The following GALNT1 variants were observed in gnomAD, a reference collection of about 807,000 sequenced individuals.
GALNT1 encodes the protein GalNAc transferase 1.
A neutral mutation model predicts 65.7 loss-of-function variants in GALNT1; 17 were observed. That is an observed-to-expected ratio of 0.26 (90% CI 0.18 to 0.39). The LOEUF is 0.39. Among genes scored for constraint, GALNT1 ranks in the 10% least tolerant of loss-of-function variants. The pLI, the probability that GALNT1 is intolerant of heterozygous loss-of-function variation, is 1.00. For synonymous variants in GALNT1, 210 were observed against 219.7 expected (o/e 0.96, Z 0.39); for missense variants, 460 against 672.8 (o/e 0.68, Z 3.50).
At position 35,663,788 on chromosome 18, in the gene GALNT1, T is replaced by A; in HGVS notation, c.300T>A (p.Asp100Glu). 6.2e-7 allele frequency: 1 copy of A among 1,613,524 alleles called. No individual in the cohort carries two copies. Among genetic ancestry groups the A allele is most frequent in the Non-Finnish European group, 8.5e-7 (1 of 1,179,790 alleles). Residue 100 changes from aspartate (D) to glutamate (E), a missense_variant, in exon 3 of 12, where the codon GAT becomes GAA. By Grantham distance (45) the Asp-to-Glu change is conservative. Coordinates refer to ENST00000269195, the MANE Select transcript of GALNT1 (RefSeq NM_020474.4). ...EMIALNRSLP[D>E]VRLEGCKTKV... ...TTGCACTCAACAGATCTTTACCAGA[T>A]GTTAGGTTAGAAGGGTAAGTACTTA...
chr18:35,605,317 G>A lies in GALNT1; in HGVS notation c.-104+23455G>A, dbSNP rs538942168. ...ATTCAAGACCAGCCTGGCCAACATG[G>A]TGAAACCCCGTCTCTACTAAAAATA... is the stretch of plus-strand genomic sequence containing the variant. On this transcript the variant is annotated intron_variant, in intron 1 of 11. Transcript: ENST00000269195. 2.0e-5 allele frequency among the ~76,000 whole-genome samples: 3 copies of A among 152,160 alleles called. No individual in the cohort carries two copies. In the South Asian group the frequency reaches 6.2e-4, roughly 32 times the overall value.
intron 1 of GALNT1, among the ~76,000 whole-genome samples, chr18:35,587,865 A>C (rs998941638): frequency 2.0e-5 from 3 of 151,954 alleles, no homozygotes; most frequent in African/African-American, 7.3e-5. Context: ...ATTCAATTCA[A>C]TGTCTGTTTT....
In GALNT1 at chr18:35,709,856, A is replaced by G; in HGVS notation, c.*86A>G. 1 of 1,483,122 alleles carries G rather than the reference A, an allele frequency of 6.7e-7. No homozygotes were observed. The allele number at this position is 1,483,122 out of a possible 1,614,324, so 91.9% of individuals were successfully genotyped here. ...TCTGCCACATTCTTAAGTAGCAAAA[A>G]AGGAAAAGTGCTTTCCTCCTCTGCA... On this transcript the variant is annotated 3_prime_UTR_variant, in exon 12 of 12. Transcript: ENST00000269195.
intron 1 of GALNT1, among the ~76,000 whole-genome samples, chr18:35,652,414 G>T (rs1456271657): frequency 6.6e-6 from 1 of 152,090 alleles, no homozygotes; most frequent in Non-Finnish European, 1.5e-5. Flanking sequence ...GGGTGTCCTG[G>T]AGTTTCAGCC....
chr18:35,617,946 T>C (rs2046805501), intron 1 of GALNT1, among the ~76,000 whole-genome samples: 1 of 152,136 alleles, frequency 6.6e-6, no homozygotes, highest in Non-Finnish European at 1.5e-5. Flanking sequence ...TTCTTTTCGA[T>C]AACTCTTCAG....
intron 11 of GALNT1, among the ~76,000 whole-genome samples, chr18:35,707,507 G>T (rs1338105851): frequency 1.3e-5 from 2 of 152,194 alleles, no homozygotes; most frequent in Non-Finnish European, 2.9e-5. Context: ...CTGGAACAGG[G>T]TTCTCCACCA....
intron 1 of GALNT1, among the ~76,000 whole-genome samples, chr18:35,600,666 T>A (rs920067026): frequency 6.6e-6 from 1 of 152,148 alleles, no homozygotes; most frequent in Non-Finnish European, 1.5e-5. Context: ...TTGTCACATA[T>A]GGCCTTTATT....
At chr18:35,595,551 C>T (rs1277217567) in intron 1 of GALNT1, among the ~76,000 whole-genome samples, 1 of 152,344 alleles carries the variant, frequency 6.6e-6, no homozygotes, top group Non-Finnish European at 1.5e-5. Flanking sequence ...TGCGTGTCCA[C>T]TCTCTGCCCT....
At chr18:35,672,580 G>C (rs2047652053) in intron 3 of GALNT1, among the ~76,000 whole-genome samples, 1 of 152,082 alleles carries the variant, frequency 6.6e-6, no homozygotes, top group African/African-American at 2.4e-5. Context: ...AGATCTTCCT[G>C]TCTGCCAATA....
chr18:35,587,300 G>A (rs117920481), intron 1 of GALNT1, among the ~76,000 whole-genome samples: 1,591 of 152,258 alleles, frequency 0.01, 12 homozygotes, highest in Non-Finnish European at 0.016. Context: ...CTGCAAAGAG[G>A]AACAATTTTA....
chr18:35,691,091 C>A lies in GALNT1; in HGVS notation c.1058C>A (p.Thr353Lys). 1 of 1,613,334 alleles carries A rather than the reference C, an allele frequency of 6.2e-7. No homozygotes were observed. Residue 353 changes from threonine (T) to lysine (K), a missense_variant, in exon 8 of 12, where the codon ACG becomes AAG. Transcript: ENST00000269195. ...GTGTTTCGGAAAGCTACACCTTACA[C>A]GTTTCCAGGAGGCACAGGGCAGATT... ...GHVFRKATPY[T>K]FPGGTGQIIN...
upstream of GALNT1, chr18:35,581,002 C>G (rs1354648309): frequency 1.3e-5 from 2 of 152,132 alleles, no homozygotes; most frequent in Admixed American, 1.3e-4. Context: ...CGCGGGCCTC[C>G]GCTCTCGCCG....
chr18:35,617,225 A>G (rs980261008), intron 1 of GALNT1, among the ~76,000 whole-genome samples: 1 of 152,118 alleles, frequency 6.6e-6, no homozygotes, highest in African/African-American at 2.4e-5. Context: ...GATGTTGTCT[A>G]ACTCATCTTT....
Position 35,663,696 on chromosome 18 carries a change from G to A in GALNT1, c.208G>A (p.Glu70Lys), listed in dbSNP as rs1243451516. ...EMGKPVVIPKEDQEKMKEMFK... is the reference protein window; with the variant it reads ...EMGKPVVIPKKDQEKMKEMFK... ...GGGGAAACCAGTCGTCATTCCTAAA[G>A]AGGATCAAGAAAAGATGAAAGAGAT... Residue 70 changes from glutamate (E) to lysine (K), a missense_variant, in exon 3 of 12, where the codon GAG (glutamate) becomes AAG (lysine). By Grantham distance (56) the Glu-to-Lys change is moderately conservative. Transcript: ENST00000269195. The A allele has an allele frequency of 6.2e-7, 1 of 1,614,048 alleles. No individual in the cohort carries two copies. Among genetic ancestry groups the A allele is most frequent in the Admixed American group, 1.7e-5 (1 of 60,014 alleles).
intron 2 of GALNT1, among the ~76,000 whole-genome samples, chr18:35,660,631 A>G (rs1372803995): frequency 6.6e-6 from 1 of 152,186 alleles, no homozygotes; most frequent in African/African-American, 2.4e-5. Context: ...CTTTTAATAC[A>G]CATAGAAGAC....
chr18:35,628,909 A>G (rs570360496), intron 1 of GALNT1, among the ~76,000 whole-genome samples: 2 of 152,400 alleles, frequency 1.3e-5, no homozygotes, highest in South Asian at 4.1e-4. Flanking sequence ...CACGAGAACT[A>G]CATGACGAAT....
intron 2 of GALNT1, among the ~76,000 whole-genome samples, chr18:35,656,048 G>A (rs541194224): frequency 6.6e-6 from 1 of 152,296 alleles, no homozygotes; most frequent in East Asian, 1.9e-4. Flanking sequence ...CTTAACTGTT[G>A]CTAGAACTGT....
intron 1 of GALNT1, among the ~76,000 whole-genome samples, chr18:35,640,028 C>T (rs762392091): frequency 3.9e-5 from 6 of 152,168 alleles, no homozygotes; most frequent in Non-Finnish European, 7.3e-5. Flanking sequence ...AAACTCCTGA[C>T]CTCAGGTGAT....
chr18:35,669,301 A>G (rs1049023854), intron 3 of GALNT1, among the ~76,000 whole-genome samples: 4 of 152,230 alleles, frequency 2.6e-5, no homozygotes, highest in Non-Finnish European at 4.4e-5. Context: ...ACAGACTTCC[A>G]GGCATAGATG....
Sources: gnomAD v4.1 joint callset for allele counts (sites outside exome capture counted in the v4.1 genomes callset) on GRCh38, gnomAD v4.1.1 for gene constraint, MANE v1.5 for transcripts, NCBI Gene and HGNC (gene_info 2026-07-23, HGNC 2026-07-21) for gene names.